NELL1: variants seen among roughly 807,000 people sequenced by gnomAD.
The protein encoded by NELL1 is protein kinase C-binding protein NELL1.
Under a neutral mutation model 107.4 loss-of-function variants are expected in NELL1, and 76 were observed. That is an observed-to-expected ratio of 0.71 (90% confidence interval 0.59 to 0.86). The LOEUF is 0.86. Among genes scored for constraint, NELL1 ranks in the 40% least tolerant of loss-of-function variants. NELL1 has a pLI of 0.00. For synonymous variants in NELL1, 353 were observed against 341.2 expected (o/e 1.03, Z -0.38); for missense variants, 1,024 against 1,005.5 (o/e 1.02, Z -0.25).
At chr11:20,765,115 G>T (rs1293052267) in intron 2 of NELL1, among the ~76,000 whole-genome samples, 1 of 151,924 alleles carries the variant, frequency 6.6e-6, no homozygotes, top group East Asian at 1.9e-4. Flanking sequence ...CTATGAACAT[G>T]CTATTGCACT....
At chr11:21,159,985 A>G (rs1856327279) in intron 13 of NELL1, among the ~76,000 whole-genome samples, 2 of 152,220 alleles carry the variant, frequency 1.3e-5, no homozygotes, top group South Asian at 4.1e-4. Context: ...CGTGATTCTT[A>G]AAGGTTTTAA....
chr11:21,040,084 T>C (rs532296928), intron 12 of NELL1, among the ~76,000 whole-genome samples: 25 of 152,106 alleles, frequency 1.6e-4, no homozygotes, highest in Admixed American at 1.6e-3. Flanking sequence ...ATCACTAATA[T>C]TGGTATTTTT....
chr11:21,555,246 A>G (rs1397769286), intron 16 of NELL1, among the ~76,000 whole-genome samples: 1 of 151,932 alleles, frequency 6.6e-6, no homozygotes, highest in Admixed American at 6.6e-5. Context: ...GGGCAATATT[A>G]TATTCCAGAA....
At chr11:21,492,259 G>A (rs1354161865) in intron 15 of NELL1, among the ~76,000 whole-genome samples, 5 of 151,946 alleles carry the variant, frequency 3.3e-5, no homozygotes, top group African/African-American at 9.7e-5. Context: ...GTGCTGGAGA[G>A]GATGTGGAGA....
At position 20,885,521 on chromosome 11, in the gene NELL1, A is replaced by G. The variant is rs115437355; in HGVS notation, c.584A>G (p.Gln195Arg). ...AATTTATGGCTTGGCCAGCGCAACCAAAAGCATGGCTTATTCAAAGTAAGC... is the reference window on the plus strand; with the variant it reads ...AATTTATGGCTTGGCCAGCGCAACCGAAAGCATGGCTTATTCAAAGTAAGC... ...GINLWLGQRN[Q>R]KHGLFKGIIQ... The change falls in exon 5 of 20, where the codon CAA becomes CGA. Residue 195 changes from glutamine to arginine, a missense_variant. Coordinates refer to ENST00000357134, the MANE Select transcript of NELL1 (RefSeq NM_006157.5). The G allele has an allele frequency of 6.9e-4, 1,111 of 1,609,382 alleles. 7 individuals carry two copies. In the African/African-American group the frequency reaches 0.013, roughly 19 times the overall value.
intron 13 of NELL1, among the ~76,000 whole-genome samples, chr11:21,156,746 G>A (rs7926931): frequency 0.74 from 113,129 of 151,926 alleles, 42,344 homozygotes; most frequent in African/African-American, 0.81. Flanking sequence ...CATTGAAATC[G>A]TTTAGTATAA....
chr11:20,868,815 A>G (rs953125257), intron 4 of NELL1, among the ~76,000 whole-genome samples: 4 of 152,196 alleles, frequency 2.6e-5, no homozygotes, highest in Non-Finnish European at 5.9e-5. Context: ...AAAGAGAAGA[A>G]ATTTCATGAT....
At chr11:20,847,167 G>A (rs1377783540) in intron 3 of NELL1, among the ~76,000 whole-genome samples, 1 of 152,120 alleles carries the variant, frequency 6.6e-6, no homozygotes, top group Admixed American at 6.6e-5. Flanking sequence ...TGTCCAACAT[G>A]ACTTCCATTT....
At position 21,093,722 on chromosome 11, in the gene NELL1, A is replaced by C. The variant is rs117143533; in HGVS notation, c.1301-19867A>C. On this transcript the variant is annotated intron_variant, in intron 12 of 19. Coordinates refer to ENST00000357134, the MANE Select transcript of NELL1 (RefSeq NM_006157.5). ...TGGATGGCAGCAGGCAAAAAGAGAGAGCTTGTGCAGTGGAACTTCTGTTTT... is the reference window on the plus strand; with the variant it reads ...TGGATGGCAGCAGGCAAAAAGAGAGCGCTTGTGCAGTGGAACTTCTGTTTT... Among the ~76,000 whole-genome samples the C allele has an allele frequency of 0.01, 1,597 of 152,278 alleles. 52 individuals are homozygous for C. The South Asian group carries it at 0.12, about 12-fold the overall frequency.
At chr11:21,123,364 T>C (rs960168545) in intron 13 of NELL1, among the ~76,000 whole-genome samples, 28 of 137,048 alleles carry the variant, frequency 2.0e-4, no homozygotes, top group African/African-American at 5.8e-4. Context: ...TGTGTGTGTG[T>C]GTGCGTTTCC....
At chr11:20,800,955 A>C (rs370768456) in intron 3 of NELL1, among the ~76,000 whole-genome samples, 20 of 152,232 alleles carry the variant, frequency 1.3e-4, no homozygotes, top group African/African-American at 4.6e-4. Flanking sequence ...ACAATTAAAA[A>C]AAACAAACAA....
At chr11:20,916,598 C>T (rs886553127) in intron 5 of NELL1, among the ~76,000 whole-genome samples, 5 of 151,818 alleles carry the variant, frequency 3.3e-5, no homozygotes, top group African/African-American at 9.7e-5. Context: ...CTTTTCTGTA[C>T]ATATACTTCC....
intron 7 of NELL1, among the ~76,000 whole-genome samples, chr11:20,922,948 A>G (rs973077842): frequency 1.3e-5 from 2 of 151,956 alleles, no homozygotes; most frequent in Non-Finnish European, 2.9e-5. Flanking sequence ...TGCTGTTTAT[A>G]CTCTTAAACC....
At chr11:21,074,150 T>C (rs1189634250) in intron 12 of NELL1, among the ~76,000 whole-genome samples, 1 of 152,154 alleles carries the variant, frequency 6.6e-6, no homozygotes, top group Non-Finnish European at 1.5e-5. Flanking sequence ...AAGATGTGGT[T>C]CTGGGACCAG....
intron 15 of NELL1, among the ~76,000 whole-genome samples, chr11:21,377,877 T>A (rs1395350411): frequency 6.6e-6 from 1 of 152,020 alleles, no homozygotes; most frequent in Non-Finnish European, 1.5e-5. Flanking sequence ...TGGGATCTGG[T>A]TGTAATGTCA....
intron 2 of NELL1, among the ~76,000 whole-genome samples, chr11:20,733,325 A>G (rs931918525): frequency 1.3e-5 from 2 of 152,184 alleles, no homozygotes; most frequent in African/African-American, 4.8e-5. Context: ...CATCTAATTG[A>G]TGTAGGTCAA....
chr11:21,013,304 A>G (rs1412360636), intron 12 of NELL1, among the ~76,000 whole-genome samples: 1 of 152,104 alleles, frequency 6.6e-6, no homozygotes, highest in African/African-American at 2.4e-5. Flanking sequence ...CCTGTGTTGG[A>G]ATGGACACTT....
intron 2 of NELL1, among the ~76,000 whole-genome samples, chr11:20,754,313 ATAGT>A (rs1856210138): frequency 6.6e-6 from 1 of 152,222 alleles, no homozygotes; most frequent in African/African-American, 2.4e-5. Flanking sequence ...TGTTGATAAT[ATAGT>A]TAGGCAGATT....
chr11:21,002,110 T>C (rs1852234627), intron 12 of NELL1, among the ~76,000 whole-genome samples: 1 of 152,192 alleles, frequency 6.6e-6, no homozygotes, highest in Admixed American at 6.5e-5. Flanking sequence ...AGCAAGGTCT[T>C]TCTTGAAGAG....
Sources: gnomAD v4.1 joint callset for allele counts (sites outside exome capture counted in the v4.1 genomes callset) on GRCh38, gnomAD v4.1.1 for gene constraint, MANE v1.5 for transcripts, NCBI Gene and HGNC (gene_info 2026-07-23, HGNC 2026-07-21) for gene names.